CCDC191: variants seen among roughly 807,000 people sequenced by gnomAD.
CCDC191 encodes the protein coiled-coil domain-containing protein 191.
Under a neutral mutation model 114.0 loss-of-function variants are expected in CCDC191, and 99 were observed. The ratio of observed to expected loss-of-function variants is 0.87; its 90% CI spans 0.74 to 1.03. The LOEUF is 1.03. Among genes scored for constraint, CCDC191 ranks in the 50% least tolerant of loss-of-function variants. The pLI, the probability that CCDC191 is intolerant of heterozygous loss-of-function variation, is 0.00. For missense variants in CCDC191, 973 were observed against 1,087.0 expected, an observed-to-expected ratio of 0.90 and a Z score of 1.47; for synonymous variants, 351 against 376.0, an observed-to-expected ratio of 0.93 and a Z score of 0.77.
At chr3:113,975,890 G>GTTGA (rs1349377573) in intron 16 of CCDC191, among the ~76,000 whole-genome samples, 1 of 152,190 alleles carries the variant, frequency 6.6e-6, no homozygotes, top group Non-Finnish European at 1.5e-5. Context: ...TTTGGTTCTT[G>GTTGA]TTGATTGCAT....
intron 4 of CCDC191, 130 bp from the exon 5 acceptor site, chr3:114,036,916 G>A (rs2076493390): frequency 2.0e-6 from 1 of 511,696 alleles, no homozygotes; most frequent in African/African-American, 2.0e-5. Flanking sequence ...AATAGTAACT[G>A]ATAATGGCAA....
At chr3:114,056,330 G>C (rs372955951) in intron 1 of CCDC191, 47 bp downstream of exon 1, 5 of 1,584,768 alleles carry the variant, frequency 3.2e-6, no homozygotes, top group Non-Finnish European at 4.3e-6. Flanking sequence ...TGACTGCGCC[G>C]CGCCTTGGGA....
intron 1 of CCDC191, 51 bp from the exon 2 acceptor site, chr3:114,053,686 T>C: frequency 7.6e-7 from 1 of 1,316,570 alleles, no homozygotes; most frequent in Non-Finnish European, 1.1e-6. Context: ...CTTTATCAAC[T>C]TTGCCATTTA....
chr3:113,985,971 T>G (rs1489982910), intron 13 of CCDC191, among the ~76,000 whole-genome samples: 1 of 152,058 alleles, frequency 6.6e-6, no homozygotes, highest in East Asian at 1.9e-4. Context: ...CCTGAAAAGA[T>G]GAGCCAATCA....
chr3:114,009,384 T>C (rs542747857), intron 9 of CCDC191, among the ~76,000 whole-genome samples: 5 of 152,168 alleles, frequency 3.3e-5, no homozygotes, highest in Admixed American at 6.6e-5. Context: ...TACAAAAATA[T>C]TTTCCTTCTT....
chr3:114,042,056 G>A (rs186655417), intron 4 of CCDC191, among the ~76,000 whole-genome samples: 2 of 151,906 alleles, frequency 1.3e-5, no homozygotes, highest in African/African-American at 4.8e-5. Flanking sequence ...AGATAAATAA[G>A]AAGCATTTTA....
chr3:113,980,594 A>G, intron 14 of CCDC191, 56 bp downstream of exon 14: 2 of 1,487,732 alleles, frequency 1.3e-6, no homozygotes, highest in Non-Finnish European at 1.8e-6. Context: ...CTGGGCATCC[A>G]TCCTATTTGG....
intron 7 of CCDC191, among the ~76,000 whole-genome samples, chr3:114,024,826 T>G (rs2076296980): frequency 6.6e-6 from 1 of 152,200 alleles, no homozygotes; most frequent in Non-Finnish European, 1.5e-5. Flanking sequence ...GTTGTGCACA[T>G]GTACCCTAAA....
intron 9 of CCDC191, 123 bp downstream of exon 9, chr3:114,010,649 T>C: frequency 1.2e-6 from 1 of 809,546 alleles, no homozygotes; most frequent in Non-Finnish European, 1.9e-6. Flanking sequence ...TGAAAGGTAG[T>C]GCATTGAGGC....
chr3:114,023,562 A>G (rs964817565), intron 7 of CCDC191, among the ~76,000 whole-genome samples: 3 of 152,242 alleles, frequency 2.0e-5, no homozygotes, highest in African/African-American at 7.2e-5. Context: ...CATATGTACA[A>G]CTATCTGATC....
chr3:114,024,229 G>C (rs1404267394), intron 7 of CCDC191, among the ~76,000 whole-genome samples: 2 of 152,160 alleles, frequency 1.3e-5, no homozygotes, highest in African/African-American at 2.4e-5. Flanking sequence ...TGGAGAAATA[G>C]GAATACTTTT....
chr3:113,980,513 C>T, intron 14 of CCDC191, 137 bp downstream of exon 14: 1 of 821,968 alleles, frequency 1.2e-6, no homozygotes, highest in Non-Finnish European at 1.8e-6. Context: ...GTATCCAAAA[C>T]AAATACACAC....
chr3:114,007,360 C>T (rs1473538772), intron 9 of CCDC191, among the ~76,000 whole-genome samples: 1 of 152,138 alleles, frequency 6.6e-6, no homozygotes, highest in East Asian at 1.9e-4. Flanking sequence ...AAATATTTTT[C>T]ACGATTATAG....
chr3:113,970,590 T>TC (rs1940699645), intron 16 of CCDC191, among the ~76,000 whole-genome samples: 1 of 152,196 alleles, frequency 6.6e-6, no homozygotes, highest in Non-Finnish European at 1.5e-5. Context: ...TATTATACTT[T>TC]AAGTTTTAGG....
chr3:114,039,154 T>C (rs1385241677), intron 4 of CCDC191, among the ~76,000 whole-genome samples: 1 of 152,186 alleles, frequency 6.6e-6, no homozygotes, highest in Non-Finnish European at 1.5e-5. Context: ...ACTATGTTAC[T>C]GGTTTATGTA....
chr3:114,018,122 C>T (rs2076189827), intron 8 of CCDC191, among the ~76,000 whole-genome samples: 1 of 152,154 alleles, frequency 6.6e-6, no homozygotes, highest in Admixed American at 6.5e-5. Flanking sequence ...CAGGTTGGCC[C>T]TCCCAGATGG....
At chr3:113,987,546 GT>G (rs541763076) in intron 13 of CCDC191, among the ~76,000 whole-genome samples, 71 of 152,260 alleles carry the variant, frequency 4.7e-4, no homozygotes, top group African/African-American at 1.7e-3. Context: ...CATGTAAAGT[GT>G]TATTTGAAGG....
rs904908162 is a variant in CCDC191, at chr3:114,053,642, A to G, written c.91-7T>C. On this transcript the variant is annotated splice_region_variant and splice_polypyrimidine_tract_variant and intron_variant, in intron 1 of 16. Coordinates refer to ENST00000295878, the MANE Select transcript of CCDC191 (RefSeq NM_020817.2). ...TGTCAGGACCAAAAGTAGGCTGTAG[A>G]TAACATATATATGATATCAATACGC... 17 of 1,574,248 alleles carry G rather than the reference A, an allele frequency of 1.1e-5. No homozygotes were observed. Among genetic ancestry groups the G allele is most frequent in the African/African-American group, 1.4e-5 (1 of 73,894 alleles).
chr3:113,977,388 C>T (rs1941448258), intron 16 of CCDC191, among the ~76,000 whole-genome samples: 2 of 152,050 alleles, frequency 1.3e-5, no homozygotes, highest in Non-Finnish European at 2.9e-5. Flanking sequence ...CATAATGACA[C>T]CAAATCACCA....
Sources: gnomAD v4.1 joint callset for allele counts (sites outside exome capture counted in the v4.1 genomes callset) on GRCh38, gnomAD v4.1.1 for gene constraint, MANE v1.5 for transcripts, NCBI Gene and HGNC (gene_info 2026-07-23, HGNC 2026-07-21) for gene names.